The following PCSK1 variants were observed in gnomAD, a reference collection of about 807,000 sequenced individuals.
PCSK1 encodes proprotein convertase subtilisin/kexin type 1.
PCSK1 carries 56 observed loss-of-function variants against 90.6 expected under a neutral mutation model. The observed-to-expected ratio is 0.62, with a 90% CI of 0.50 to 0.77. PCSK1 has a LOEUF of 0.77. PCSK1 is among the 30% of genes least tolerant of loss of function. PCSK1 has a pLI of 0.00. For missense variants in PCSK1, 801 were observed against 932.6 expected (o/e 0.86, Z 1.84); for synonymous variants, 348 against 342.4 (o/e 1.02, Z -0.18).
At position 96,432,913 on chromosome 5, in the gene PCSK1, C is replaced by A; in HGVS notation, c.130G>T (p.Glu44Ter). 1 of 1,614,130 alleles carries A rather than the reference C, an allele frequency of 6.2e-7. No homozygotes were observed. Among genetic ancestry groups the A allele is most frequent in the Non-Finnish European group, 8.5e-7 (1 of 1,179,986 alleles). The change falls in exon 1 of 14, where the codon GAA (glutamate) becomes TAA (stop). Residue 44 changes from glutamate to a stop codon, truncating the protein, a stop_gained. Transcript: ENST00000311106. LOFTEE classifies it high-confidence loss of function. ...TCCTCGGCGATGGCCGAGGCTGCTT[C>A]CGGGCCCCCGGGGATCTCCGCTGCC... ...EWAAEIPGGP[E>*]AASAIAEELG...
intron 1 of PCSK1, 106 bp downstream of exon 1, chr5:96,432,757 C>G: frequency 1.1e-6 from 1 of 876,442 alleles, no homozygotes; most frequent in Non-Finnish European, 1.9e-6. Context: ...CTTTGCTACT[C>G]TGGGCTCTGG....
chr5:96,417,473 A>G (rs914545275), intron 5 of PCSK1, among the ~76,000 whole-genome samples: 1 of 151,796 alleles, frequency 6.6e-6, no homozygotes. Context: ...ACTTTCAAGG[A>G]CTGATGTAGA....
At chr5:96,419,942 G>T (rs1761067030) in intron 5 of PCSK1, among the ~76,000 whole-genome samples, 1 of 152,024 alleles carries the variant, frequency 6.6e-6, no homozygotes, top group African/African-American at 2.4e-5. Flanking sequence ...CATCGTACAA[G>T]TTATCACCCA....
At position 96,390,846 on chromosome 5, in the gene PCSK1, A is replaced by T. The variant is rs903009190; in HGVS notation, c.*2155T>A. 6.5e-6 allele frequency: 1 copy of T among 152,680 alleles called. No homozygotes were observed. Among genetic ancestry groups the T allele is most frequent in the Non-Finnish European group, 1.5e-5 (1 of 68,044 alleles). 9.5% of individuals were successfully genotyped at this position (152,680 alleles called of 1,614,324 possible). A position where few individuals can be genotyped will look rare whatever the true frequency, so the allele number is the denominator to read the frequency against. On this transcript the variant is annotated 3_prime_UTR_variant, in exon 14 of 14. Coordinates refer to ENST00000311106, the MANE Select transcript of PCSK1 (RefSeq NM_000439.5). ...TTATACTCCAGGTTGGAAACATTCA[A>T]TATGATTTTATTTAAATATTAAAGC... is the stretch of plus-strand genomic sequence containing the variant.
chr5:96,396,112 A>G (rs922772884), intron 12 of PCSK1, among the ~76,000 whole-genome samples: 1 of 152,096 alleles, frequency 6.6e-6, no homozygotes, highest in African/African-American at 2.4e-5. Context: ...TTTTTGCTCT[A>G]TGAGAGAAGG....
chr5:96,418,577 G>C (rs1335308138), intron 5 of PCSK1, among the ~76,000 whole-genome samples: 1 of 151,944 alleles, frequency 6.6e-6, no homozygotes, highest in Non-Finnish European at 1.5e-5. Context: ...TCATTTACGT[G>C]GTAATAAAGA....
chr5:96,424,123 G>T (rs1218331104), intron 3 of PCSK1, among the ~76,000 whole-genome samples: 1 of 152,202 alleles, frequency 6.6e-6, no homozygotes, highest in Non-Finnish European at 1.5e-5. Context: ...ACAGATATAA[G>T]CACATTTCTA....
chr5:96,423,618 G>A (rs1580765911), intron 3 of PCSK1, among the ~76,000 whole-genome samples, 159 bp from the exon 4 acceptor site: 1 of 152,298 alleles, frequency 6.6e-6, no homozygotes, highest in South Asian at 2.1e-4. Flanking sequence ...AAAGTTGAGA[G>A]TAAGGCCAAA....
chr5:96,423,872 T>C (rs1330053184), intron 3 of PCSK1, among the ~76,000 whole-genome samples: 1 of 152,226 alleles, frequency 6.6e-6, no homozygotes, highest in Non-Finnish European at 1.5e-5. Flanking sequence ...TTATATTGCC[T>C]GGTGCATAGT....
chr5:96,395,478 T>C (rs1162029307), intron 12 of PCSK1, among the ~76,000 whole-genome samples: 7 of 152,210 alleles, frequency 4.6e-5, no homozygotes, highest in Non-Finnish European at 1.0e-4. Context: ...AAGAGTGAGT[T>C]CATGTCCTCT....
Position 96,397,371 on chromosome 5 carries a change from G to A in PCSK1, c.1687C>T (p.Pro563Ser), listed in dbSNP as rs768616221. The change falls in exon 12 of 14, where the codon CCT (proline) becomes TCT (serine). Residue 563 changes from proline (P) to serine (S), a missense_variant. Pro to Ser is a moderately conservative substitution (Grantham distance 74). Transcript: ENST00000311106. ...FMSVHTWGEN[P>S]IGTWTLRITD... The stretch of plus-strand genomic sequence containing the variant: ...ATTCTCAAAGTCCAAGTACCTATAG[G>A]GTTCTCTCCCCATGTGTGAACAGAC... 1.9e-6 allele frequency: 3 copies of A among 1,612,148 alleles called. No individual in the cohort carries two copies.
At chr5:96,419,828 G>A (rs1280803785) in intron 5 of PCSK1, among the ~76,000 whole-genome samples, 2 of 151,950 alleles carry the variant, frequency 1.3e-5, no homozygotes, top group Non-Finnish European at 2.9e-5. Flanking sequence ...TAAATGCTGT[G>A]CTGTGAGATC....
At chr5:96,402,727 T>C (rs1431010841) in intron 9 of PCSK1, among the ~76,000 whole-genome samples, 2 of 152,132 alleles carry the variant, frequency 1.3e-5, no homozygotes, top group Non-Finnish European at 2.9e-5. Context: ...CTTTCATTTT[T>C]GGCTTGTTGA....
intron 3 of PCSK1, among the ~76,000 whole-genome samples, chr5:96,424,554 A>G (rs1317334189): frequency 6.6e-6 from 1 of 152,240 alleles, no homozygotes; most frequent in East Asian, 1.9e-4. Context: ...ACAGACAATC[A>G]TGAGAACAAA....
chr5:96,425,040 G>GAAAGAAAGAAAA (rs1554059773), intron 3 of PCSK1, among the ~76,000 whole-genome samples: 2 of 140,240 alleles, frequency 1.4e-5, no homozygotes, highest in African/African-American at 5.6e-5. Flanking sequence ...AAGAAAGAAA[G>GAAAGAAAGAAAA]AAAGAAAGAA....
intron 1 of PCSK1, chr5:96,432,116 C>T (rs1761522663): frequency 2.6e-6 from 4 of 1,535,570 alleles, no homozygotes; most frequent in Admixed American, 3.9e-5. Flanking sequence ...TAGATCCCTT[C>T]CCCATAGTCA....
At chr5:96,404,800 C>G (rs1356441311) in intron 9 of PCSK1, among the ~76,000 whole-genome samples, 1 of 152,072 alleles carries the variant, frequency 6.6e-6, no homozygotes, top group African/African-American at 2.4e-5. Flanking sequence ...CCTCTCTAAG[C>G]CTTATTTTTT....
chr5:96,420,729 G>A (rs927172232), intron 5 of PCSK1, among the ~76,000 whole-genome samples: 1 of 132,902 alleles, frequency 7.5e-6, no homozygotes, highest in Non-Finnish European at 1.6e-5. Context: ...TTCTGAGGGA[G>A]AATAAGGAAG....
chr5:96,425,712 A>G, intron 3 of PCSK1, 108 bp downstream of exon 3: 4 of 692,158 alleles, frequency 5.8e-6, no homozygotes, highest in Middle Eastern at 2.3e-4. Flanking sequence ...ATAGCTCCCT[A>G]TGAAATTCTC....
Sources: allele counts gnomAD v4.1 joint callset (sites outside exome capture counted in the v4.1 genomes callset), GRCh38; gene constraint gnomAD v4.1.1; transcripts MANE v1.5; gene names NCBI Gene and HGNC (gene_info 2026-07-23, HGNC 2026-07-21).